Variants in CCDC60 observed in about 807,000 individuals in gnomAD.
CCDC60 encodes coiled-coil domain-containing protein 60.
In CCDC60, 54 loss-of-function variants were observed where a neutral mutation model predicts 63.5. That is an observed-to-expected ratio of 0.85 (90% CI 0.68 to 1.07). CCDC60 has a LOEUF of 1.07. Ranked by LOEUF, CCDC60 falls within the 50% of genes least tolerant of loss-of-function variation. The pLI is 0.00. For synonymous variants in CCDC60, 206 were observed against 238.8 expected (o/e 0.86, Z 1.27); for missense variants, 651 against 684.3 (o/e 0.95, Z 0.54).
intron 2 of CCDC60, among the ~76,000 whole-genome samples, chr12:119,443,583 T>A (rs12306902): frequency 0.21 from 31,591 of 152,060 alleles, 3,409 homozygotes; most frequent in Admixed American, 0.27. Context: ...ATAATAATAA[T>A]AAAACAGCAG....
At chr12:119,366,574 A>T (rs961261972) in intron 1 of CCDC60, among the ~76,000 whole-genome samples, 6 of 152,184 alleles carry the variant, frequency 3.9e-5, no homozygotes, top group African/African-American at 4.8e-5. Context: ...ACACACACAG[A>T]AAACTGTGCC....
At chr12:119,484,453 C>T (rs1000840588) in intron 4 of CCDC60, among the ~76,000 whole-genome samples, 2 of 151,970 alleles carry the variant, frequency 1.3e-5, no homozygotes, top group African/African-American at 2.4e-5. Context: ...CAGTGGCTCA[C>T]GTCTGTAATC....
intron 7 of CCDC60, among the ~76,000 whole-genome samples, chr12:119,511,769 C>T (rs1952219808): frequency 6.6e-6 from 1 of 152,118 alleles, no homozygotes; most frequent in South Asian, 2.1e-4. Context: ...TCCATATCCA[C>T]CCAACCTTAG....
At chr12:119,348,659 T>G (rs1955622054) in intron 1 of CCDC60, among the ~76,000 whole-genome samples, 1 of 152,188 alleles carries the variant, frequency 6.6e-6, no homozygotes, top group South Asian at 2.1e-4. Flanking sequence ...AAATAATAGC[T>G]AAGGTTGATT....
chr12:119,482,115 T>TATATATACATATATATACAC, intron 4 of CCDC60, among the ~76,000 whole-genome samples: 1 of 146,130 alleles, frequency 6.8e-6, no homozygotes, highest in Non-Finnish European at 1.5e-5. Context: ...TATACACACA[T>TATATATACATATATATACAC]ATATATACAT....
At chr12:119,412,773 AC>A (rs1209998388) in intron 1 of CCDC60, among the ~76,000 whole-genome samples, 3 of 30,566 alleles carry the variant, frequency 9.8e-5, no homozygotes, top group Non-Finnish European at 2.1e-4. Flanking sequence ...ACCCCCCCCC[AC>A]CCCCCCATGC....
chr12:119,366,885 A>T (rs1470652770), intron 1 of CCDC60, among the ~76,000 whole-genome samples: 1 of 152,026 alleles, frequency 6.6e-6, no homozygotes, highest in African/African-American at 2.4e-5. Flanking sequence ...CAGGCTGGAG[A>T]GCAGTGGCAC....
chr12:119,520,254 C>A, intron 9 of CCDC60, 62 bp downstream of exon 9: 1 of 1,410,194 alleles, frequency 7.1e-7, no homozygotes, highest in Non-Finnish European at 1.0e-6. Context: ...ACAGGGGCCA[C>A]TGCAGGGATG....
intron 1 of CCDC60, among the ~76,000 whole-genome samples, chr12:119,422,339 A>G (rs1249949474): frequency 2.0e-5 from 3 of 152,212 alleles, no homozygotes; most frequent in South Asian, 2.1e-4. Context: ...GAGACGGTGT[A>G]TTAGTCCATT....
At chr12:119,457,719 G>A (rs915374298) in intron 2 of CCDC60, among the ~76,000 whole-genome samples, 1 of 150,946 alleles carries the variant, frequency 6.6e-6, no homozygotes, top group Non-Finnish European at 1.5e-5. Flanking sequence ...TGGTTGGCGG[G>A]GGGGAGAATA....
intron 1 of CCDC60, among the ~76,000 whole-genome samples, chr12:119,372,791 C>G (rs1173272551): frequency 1.3e-5 from 2 of 152,160 alleles, no homozygotes; most frequent in Admixed American, 6.5e-5. Flanking sequence ...TTGCTACACA[C>G]GCCATGGTGA....
chr12:119,475,977 T>C (rs908378901), intron 3 of CCDC60, among the ~76,000 whole-genome samples: 4 of 152,182 alleles, frequency 2.6e-5, no homozygotes, highest in Non-Finnish European at 4.4e-5. Flanking sequence ...TAGATAAAAT[T>C]CCAATCACAA....
intron 1 of CCDC60, among the ~76,000 whole-genome samples, chr12:119,383,308 G>A (rs1312953784): frequency 1.3e-5 from 2 of 152,186 alleles, no homozygotes; most frequent in African/African-American, 2.4e-5. Context: ...CTTTCTGGAT[G>A]TTCTAGAGAA....
At chr12:119,524,816 A>C (rs1041857514) in intron 11 of CCDC60, among the ~76,000 whole-genome samples, 2 of 145,162 alleles carry the variant, frequency 1.4e-5, no homozygotes, top group Non-Finnish European at 3.0e-5. Flanking sequence ...TCGAGTGATA[A>C]GTTTTTTGGT....
rs140120649 is a variant in CCDC60 at position 119,488,784 on chromosome 12, G to A, written c.475G>A (p.Ala159Thr). The change falls in exon 5 of 14, where the codon GCT becomes ACT. Residue 159 changes from alanine to threonine, a missense_variant. Physicochemically the swap from Ala to Thr is moderately conservative, Grantham distance 58 (BLOSUM62 0). Coordinates refer to ENST00000327554, the MANE Select transcript of CCDC60 (RefSeq NM_178499.5). ...HVEPLFRQLC[A>T]LHWLLEALTI... ...CGAGCCCCTCTTCCGCCAGCTCTGT[G>A]CTCTCCACTGGCTTCTGGAGGCCCT... is the stretch of plus-strand genomic sequence containing the variant. The A allele has an allele frequency of 3.7e-5, 60 of 1,614,140 alleles. No homozygotes were observed. The African/African-American group carries it at 7.7e-4, about 21-fold the overall frequency.
chr12:119,475,391 A>G (rs1042967255), intron 3 of CCDC60, among the ~76,000 whole-genome samples: 1 of 152,120 alleles, frequency 6.6e-6, no homozygotes, highest in African/African-American at 2.4e-5. Flanking sequence ...CCCCTCTCCA[A>G]TCCATGTTTC....
chr12:119,439,832 T>C (rs951129223), intron 2 of CCDC60, among the ~76,000 whole-genome samples: 5 of 152,208 alleles, frequency 3.3e-5, no homozygotes, highest in African/African-American at 1.2e-4. Flanking sequence ...CATTTCCTAG[T>C]CATTAAGGCA....
At chr12:119,337,808 ATGTGTGTGTGTGTATT>A (rs1300075539) in intron 1 of CCDC60, among the ~76,000 whole-genome samples, 47 of 138,104 alleles carry the variant, frequency 3.4e-4, no homozygotes, top group Admixed American at 6.0e-4. Context: ...AGATTCACGC[ATGTGTGTGTGTGTATT>A]TGTGTGTGTG....
At chr12:119,528,497 G>C in intron 11 of CCDC60, 118 bp from the exon 12 acceptor site, 1 of 1,164,670 alleles carries the variant, frequency 8.6e-7, no homozygotes, top group South Asian at 1.6e-5. Flanking sequence ...TTAGCTGACA[G>C]GGTTAAGAAA....
Sources: gnomAD v4.1 joint callset for allele counts (sites outside exome capture counted in the v4.1 genomes callset) on GRCh38, gnomAD v4.1.1 for gene constraint, MANE v1.5 for transcripts, NCBI Gene and HGNC (gene_info 2026-07-23, HGNC 2026-07-21) for gene names.